Variants in CLCA4 observed in about 807,000 individuals in gnomAD.
The protein encoded by CLCA4 is calcium-activated chloride channel regulator 4.
A neutral mutation model predicts 78.9 loss-of-function variants in CLCA4; 69 were observed. The observed-to-expected ratio is 0.87, with a 90% CI of 0.72 to 1.07. CLCA4 has a LOEUF of 1.07. CLCA4 is among the 50% of genes least tolerant of loss of function. The pLI, the probability that CLCA4 is intolerant of heterozygous loss-of-function variation, is 0.00. For synonymous variants in CLCA4, 362 were observed against 375.8 expected, an observed-to-expected ratio of 0.96 and a Z score of 0.42; for missense variants, 1,133 against 1,095.8, an observed-to-expected ratio of 1.03 and a Z score of -0.48.
At chr1:86,565,190 G>A in intron 4 of CLCA4, 84 bp from the exon 5 acceptor site, 2 of 900,114 alleles carry the variant, frequency 2.2e-6, no homozygotes, top group Non-Finnish European at 3.4e-6. Context: ...TTGATATAAA[G>A]TTCATCATGA....
chr1:86,569,914 G>A lies in CLCA4; in HGVS notation c.1183-1163G>A, dbSNP rs946359602. Among the ~76,000 whole-genome samples the A allele has an allele frequency of 2.6e-5, 4 of 152,026 alleles. No individual in the cohort carries two copies. The South Asian group carries it at 6.2e-4, about 24-fold the overall frequency. On this transcript the variant is annotated intron_variant, in intron 7 of 13. Transcript: ENST00000370563. The stretch of plus-strand genomic sequence containing the variant: ...TAAATAAACTCATGCAAGAAAAGGA[G>A]AGGTGAAAGAGAGAACTCTGCTTCA...
intron 1 of CLCA4, among the ~76,000 whole-genome samples, chr1:86,555,732 A>G (rs1343851285): frequency 6.6e-6 from 1 of 152,122 alleles, no homozygotes; most frequent in Non-Finnish European, 1.5e-5. Flanking sequence ...TAGTGGTGTG[A>G]AAAATGTTGT....
At chr1:86,560,604 A>G (rs573686734) in intron 3 of CLCA4, among the ~76,000 whole-genome samples, 1 of 152,350 alleles carries the variant, frequency 6.6e-6, no homozygotes, top group Admixed American at 6.5e-5. Context: ...ATCCAGACAA[A>G]TATACTCAGT....
At chr1:86,577,831 G>C (rs1026116079) in intron 11 of CLCA4, 71 bp from the exon 12 acceptor site, 2 of 1,244,194 alleles carry the variant, frequency 1.6e-6, no homozygotes, top group African/African-American at 3.0e-5. Flanking sequence ...TGCTTGTAGA[G>C]GCCAATTGCT....
At chr1:86,575,659 C>T (rs1650493100) in intron 11 of CLCA4, 60 bp downstream of exon 11, 2 of 1,462,834 alleles carry the variant, frequency 1.4e-6, no homozygotes, top group East Asian at 2.3e-5. Context: ...GTTGTGAGTC[C>T]CTGTGGCATT....
At chr1:86,570,634 A>T (rs1168818065) in intron 7 of CLCA4, among the ~76,000 whole-genome samples, 3 of 152,028 alleles carry the variant, frequency 2.0e-5, no homozygotes, top group African/African-American at 7.2e-5. Context: ...TGACTTTTTC[A>T]AATGTTGAAG....
In CLCA4 at chr1:86,574,585, G is replaced by A. The variant is rs773502071; in HGVS notation, c.1513G>A (p.Asp505Asn). 18 of 1,613,032 alleles carry A rather than the reference G, an allele frequency of 1.1e-5. No individual in the cohort carries two copies. Among genetic ancestry groups the A allele is most frequent in the South Asian group, 2.2e-5 (2 of 91,050 alleles). The change falls in exon 10 of 14, where the codon GAC becomes AAC. Residue 505 changes from aspartate (D) to asparagine (N), a missense_variant. Transcript: ENST00000370563. The stretch of plus-strand genomic sequence containing the variant: ...ACTGAATAGTAATGCCTGGATGAAC[G>A]ACACTGTCATAATTGATAGTACAGT... ...LTLNSNAWMNDTVIIDSTVGK... is the reference protein window; with the variant it reads ...LTLNSNAWMNNTVIIDSTVGK...
rs767920456 is a variant in CLCA4, at chr1:86,579,511, C to T, written c.2280C>T (p.Asp760=). 1.2e-6 allele frequency: 2 copies of T among 1,613,102 alleles called. No individual in the cohort carries two copies. Among genetic ancestry groups the T allele is most frequent in the South Asian group, 2.2e-5 (2 of 91,070 alleles). Residue 760 remains aspartate (D), a synonymous_variant, in exon 13 of 14, where the codon GAC becomes GAT. Transcript: ENST00000370563. ...AATACCCACCAAGTCAAATCACAGA[C>T]CTTGATGCCACAGTTCATGAGGATA... ...PDQYPPSQIT[D]LDATVHEDKI...
Position 86,579,461 on chromosome 1 carries a change from G to C in CLCA4, c.2230G>C (p.Val744Leu), listed in dbSNP as rs770821328. 6.2e-7 allele frequency: 1 copy of C among 1,613,188 alleles called. No homozygotes were observed. Among genetic ancestry groups the C allele is most frequent in the African/African-American group, 1.3e-5 (1 of 74,834 alleles). The change falls in exon 13 of 14, where the codon GTC becomes CTC. Residue 744 changes from valine to leucine, a missense_variant. By Grantham distance (32) the Val-to-Leu change is conservative. Coordinates refer to ENST00000370563, the MANE Select transcript of CLCA4 (RefSeq NM_012128.4). ...ASGGAFVVSQ[V>L]PSLPLPDQYP... The stretch of plus-strand genomic sequence containing the variant: ...CGGAGGTGCATTTGTGGTATCACAA[G>C]TCCCAAGCCTTCCCTTGCCTGACCA...
intron 1 of CLCA4, among the ~76,000 whole-genome samples, chr1:86,549,983 T>A (rs997032296): frequency 2.0e-5 from 3 of 152,220 alleles, no homozygotes; most frequent in Non-Finnish European, 4.4e-5. Context: ...AAATATAACA[T>A]TCTATGTAAT....
In CLCA4 at chr1:86,566,016, TG is replaced by T; in HGVS notation, c.954+1del. 1.9e-6 allele frequency: 3 copies of T among 1,611,238 alleles called. No homozygotes were observed. The highest frequency in any genetic ancestry group is 2.5e-6 in the Non-Finnish European group (3 of 1,178,074). ...TTAGTTCTTGATAAGTCTGGAAGCA[TG>T]GGGGTAAGATCACTTTTTCTGGATA... ...VCLVLDKSGS[M>X]GGKDRLNRMN... On this transcript the variant is annotated frameshift_variant, in exon 6 of 14. Coordinates refer to ENST00000370563, the MANE Select transcript of CLCA4 (RefSeq NM_012128.4). LOFTEE classifies it high-confidence loss of function.
intron 9 of CLCA4, 112 bp from the exon 10 acceptor site, chr1:86,574,428 G>T: frequency 1.4e-6 from 1 of 737,528 alleles, no homozygotes; most frequent in Non-Finnish European, 2.3e-6. Context: ...ACAAGTCTAA[G>T]GTGGTCTGCC....
chr1:86,566,149 T>G, intron 6 of CLCA4, 129 bp downstream of exon 6: 1 of 661,494 alleles, frequency 1.5e-6, no homozygotes, highest in Non-Finnish European at 2.4e-6. Flanking sequence ...CCCATGATCA[T>G]GACTTCAAGA....
intron 12 of CLCA4, among the ~76,000 whole-genome samples, chr1:86,578,362 C>T (rs1459492317): frequency 6.6e-6 from 1 of 151,842 alleles, no homozygotes; most frequent in Non-Finnish European, 1.5e-5. Flanking sequence ...TAGGTAAACT[C>T]GTGTCATGGC....
In CLCA4 at chr1:86,574,539, G is replaced by A. The variant is rs547421885; in HGVS notation, c.1468-1G>A. The A allele has an allele frequency of 2.2e-5, 35 of 1,609,040 alleles. No individual in the cohort carries two copies. In the South Asian group the frequency reaches 3.9e-4, roughly 18 times the overall value. ...ATTAATTTTGAAATCTATTTAAACA[G>A]CTCGAAAGTAAGGGATTAACACTGA... On this transcript the variant is annotated splice_acceptor_variant, in intron 9 of 13. Coordinates refer to ENST00000370563, the MANE Select transcript of CLCA4 (RefSeq NM_012128.4). LOFTEE classifies it high-confidence loss of function.
At position 86,571,123 on chromosome 1, in the gene CLCA4, T is replaced by C; in HGVS notation, c.1229T>C (p.Leu410Pro). 1.9e-6 allele frequency: 3 copies of C among 1,612,766 alleles called. No homozygotes were observed. Among genetic ancestry groups the C allele is most frequent in the Non-Finnish European group, 2.5e-6 (3 of 1,178,974 alleles). ...CAACTCGATGGATCCGAAGTACTGCTGCTGACTGATGGGGAGGATAACACT... is the reference window on the plus strand; with the variant it reads ...CAACTCGATGGATCCGAAGTACTGCCGCTGACTGATGGGGAGGATAACACT... ...HSQLDGSEVL[L>P]LTDGEDNTAS... is the part of the protein sequence containing the mutation. The change falls in exon 8 of 14, where the codon CTG becomes CCG. Residue 410 changes from leucine to proline, a missense_variant. Leu to Pro is a moderately conservative substitution (Grantham distance 98, BLOSUM62 -3). Coordinates refer to ENST00000370563, the MANE Select transcript of CLCA4 (RefSeq NM_012128.4).
At chr1:86,564,111 G>C (rs1174997855) in intron 4 of CLCA4, among the ~76,000 whole-genome samples, 1 of 152,086 alleles carries the variant, frequency 6.6e-6, no homozygotes, top group Non-Finnish European at 1.5e-5. Context: ...TGGTTAAGTA[G>C]TGCTAAATGT....
chr1:86,568,284 G>T (rs1650257643), intron 7 of CLCA4, among the ~76,000 whole-genome samples: 1 of 150,540 alleles, frequency 6.6e-6, no homozygotes, highest in Non-Finnish European at 1.5e-5. Flanking sequence ...GTAATTATGA[G>T]GATTACATGA....
At chr1:86,572,762 C>A in intron 9 of CLCA4, 42 bp downstream of exon 9, 1 of 1,200,034 alleles carries the variant, frequency 8.3e-7, no homozygotes. Flanking sequence ...TCACTTTTGC[C>A]ACAAGAAAAA....
Sources: allele counts gnomAD v4.1 joint callset (sites outside exome capture counted in the v4.1 genomes callset), GRCh38; gene constraint gnomAD v4.1.1; transcripts MANE v1.5; gene names NCBI Gene and HGNC (gene_info 2026-07-23, HGNC 2026-07-21).